Variants in ESPNL observed in about 807,000 individuals in gnomAD.
ESPNL encodes the protein espin like, also known as espin-like protein.
Under a neutral mutation model 46.8 loss-of-function variants are expected in ESPNL, and 49 were observed. The ratio of observed to expected loss-of-function variants is 1.05; its 90% confidence interval spans 0.83 to 1.33. The LOEUF is 1.33. Ranked by LOEUF, ESPNL falls within the 40% of genes most tolerant of loss-of-function variation. The pLI is 0.00. For synonymous variants in ESPNL, 664 were observed against 662.1 expected, an observed-to-expected ratio of 1.00 and a Z score of -0.04; for missense variants, 1,540 against 1,436.6, an observed-to-expected ratio of 1.07 and a Z score of -1.16.
At chr2:238,120,547 T>C (rs1320125921) in intron 5 of ESPNL, among the ~76,000 whole-genome samples, 2 of 152,256 alleles carry the variant, frequency 1.3e-5, no homozygotes, top group East Asian at 3.8e-4. Context: ...CGCCACGTCC[T>C]TCCCATCCAG....
intron 3 of ESPNL, among the ~76,000 whole-genome samples, chr2:238,107,220 G>T (rs1691615739): frequency 6.6e-6 from 1 of 152,218 alleles, no homozygotes; most frequent in African/African-American, 2.4e-5. Flanking sequence ...GTGGACCACA[G>T]CAGGGGCCCT....
In ESPNL at chr2:238,130,320, G is replaced by A. The variant is rs1442183942; in HGVS notation, c.1606G>A (p.Glu536Lys). Residue 536 changes from glutamate to lysine, a missense_variant, in exon 9 of 9, where the codon GAG (glutamate) becomes AAG (lysine). Physicochemically the swap from Glu to Lys is moderately conservative, Grantham distance 56. Transcript: ENST00000343063. Reference sequence around the variant, plus strand: ...GAGTGAGCTGGGCCGGTTGGCGGCTGAGCTGCAGGCCCTGCTGCCCGAGCC... The same window carrying A: ...GAGTGAGCTGGGCCGGTTGGCGGCTAAGCTGCAGGCCCTGCTGCCCGAGCC... ...YESELGRLAA[E>K]LQALLPEPLV... is the part of the protein sequence containing the mutation. 6.2e-7 allele frequency: 1 copy of A among 1,607,496 alleles called. No individual in the cohort carries two copies. The highest frequency in any genetic ancestry group is 1.3e-5 in the African/African-American group (1 of 74,968).
chr2:238,123,450 G>A (rs1235650255), intron 5 of ESPNL, among the ~76,000 whole-genome samples: 3 of 152,170 alleles, frequency 2.0e-5, no homozygotes, highest in African/African-American at 4.8e-5. Context: ...CGTACCGTAG[G>A]TGGGGCTGGG....
intron 4 of ESPNL, among the ~76,000 whole-genome samples, chr2:238,113,518 T>A (rs1197139715): frequency 6.6e-6 from 1 of 152,256 alleles, no homozygotes; most frequent in African/African-American, 2.4e-5. Flanking sequence ...TTCTTGTTCA[T>A]GGTATTTTAT....
intron 8 of ESPNL, 110 bp from the exon 9 acceptor site, chr2:238,130,018 C>T: frequency 8.0e-7 from 1 of 1,255,244 alleles, no homozygotes; most frequent in Non-Finnish European, 1.1e-6. Flanking sequence ...TACCTTGGGG[C>T]AGGACCAGAG....
Position 238,104,846 on chromosome 2 carries a change from A to G in ESPNL, c.672+4A>G, listed in dbSNP as rs746043332. The stretch of plus-strand genomic sequence containing the variant: ...CTACTCCCTCGTCGTCTGGCTGGTA[A>G]GTGGGTGCCAGAGGTGGGAAGGGGA... On this transcript the variant is annotated splice_donor_region_variant and intron_variant, in intron 3 of 8. Coordinates refer to ENST00000343063, the MANE Select transcript of ESPNL (RefSeq NM_194312.4). 1 of 1,487,122 alleles carries G rather than the reference A, an allele frequency of 6.7e-7. No homozygotes were observed. Among genetic ancestry groups the G allele is most frequent in the South Asian group, 1.3e-5 (1 of 77,938 alleles). 92.1% of individuals were successfully genotyped at this position (1,487,122 alleles called of 1,614,324 possible).
At chr2:238,104,340 C>T (rs937242724) in intron 2 of ESPNL, among the ~76,000 whole-genome samples, 6 of 152,314 alleles carry the variant, frequency 3.9e-5, no homozygotes, top group South Asian at 2.1e-4. Flanking sequence ...CTAAGGGAGT[C>T]GGGGGTCAAT....
chr2:238,129,344 C>T, intron 8 of ESPNL: 1 of 775,952 alleles, frequency 1.3e-6, no homozygotes, highest in Non-Finnish European at 1.6e-6. Flanking sequence ...TGGCCTTGAG[C>T]AGGGGCCAGA....
intron 5 of ESPNL, among the ~76,000 whole-genome samples, chr2:238,123,889 G>C (rs1405340532): frequency 2.0e-5 from 3 of 152,172 alleles, no homozygotes; most frequent in Non-Finnish European, 4.4e-5. Context: ...GTGGGGTGAG[G>C]GTCCTGGAGG....
chr2:238,129,232 G>C, intron 8 of ESPNL: 1 of 1,247,714 alleles, frequency 8.0e-7, no homozygotes, highest in South Asian at 2.4e-5. Context: ...CCATGGGCAG[G>C]TGCCGGCAGG....
chr2:238,118,080 G>GA (rs1445664234), intron 5 of ESPNL, among the ~76,000 whole-genome samples: 1 of 146,280 alleles, frequency 6.8e-6, no homozygotes, highest in Non-Finnish European at 1.5e-5. Flanking sequence ...GATGGAAGAG[G>GA]ATGGATGAAG....
intron 3 of ESPNL, 146 bp from the exon 4 acceptor site, chr2:238,107,645 C>A: frequency 1.2e-6 from 1 of 821,872 alleles, no homozygotes; most frequent in Non-Finnish European, 1.9e-6. Context: ...CGTGCTCAGC[C>A]AGCCCTGTCC....
At chr2:238,102,720 C>T (rs951886184) in intron 2 of ESPNL, among the ~76,000 whole-genome samples, 1 of 152,206 alleles carries the variant, frequency 6.6e-6, no homozygotes, top group African/African-American at 2.4e-5. Flanking sequence ...CCTCCCTCCC[C>T]ACCTGGAAGC....
At chr2:238,123,508 T>C (rs116730464) in intron 5 of ESPNL, among the ~76,000 whole-genome samples, 44 of 152,086 alleles carry the variant, frequency 2.9e-4, no homozygotes, top group African/African-American at 1.1e-3. Flanking sequence ...GGATCTCAGG[T>C]CCCCTTCCAT....
At position 238,130,453 on chromosome 2, in the gene ESPNL, C is replaced by G; in HGVS notation, c.1739C>G (p.Ser580Ter). The G allele has an allele frequency of 1.2e-6, 2 of 1,603,138 alleles. No homozygotes were observed. The highest frequency in any genetic ancestry group is 1.7e-6 in the Non-Finnish European group (2 of 1,175,378). The change falls in exon 9 of 9, where the codon TCA (serine) becomes TGA (stop). Residue 580 changes from serine to a stop codon, truncating the protein, a stop_gained. Coordinates refer to ENST00000343063, the MANE Select transcript of ESPNL (RefSeq NM_194312.4). LOFTEE classifies it low-confidence loss of function (END_TRUNC). Reference sequence around the variant, plus strand: ...GAGCCCGCAGGGTCTGCGGAGGCCTCAGAGGTGGCCCCCGGGGTGCAGCCC... The same window carrying G: ...GAGCCCGCAGGGTCTGCGGAGGCCTGAGAGGTGGCCCCCGGGGTGCAGCCC... ...AAEPAGSAEA[S>*]EVAPGVQPLP... is the part of the protein sequence containing the mutation.
At chr2:238,118,752 T>G (rs1574737023) in intron 5 of ESPNL, among the ~76,000 whole-genome samples, 2 of 73,862 alleles carry the variant, frequency 2.7e-5, no homozygotes, top group African/African-American at 6.5e-5. Context: ...TGCAGGAGGA[T>G]GGATGGAGGA....
intron 3 of ESPNL, among the ~76,000 whole-genome samples, chr2:238,106,214 T>A (rs1691595493): frequency 6.6e-6 from 1 of 152,188 alleles, no homozygotes; most frequent in South Asian, 2.1e-4. Context: ...GCAGTCAGGC[T>A]CGGGAGATGT....
chr2:238,131,572 ACGCCG>A lies in ESPNL; in HGVS notation c.2860_2864del (p.Ala954ArgfsTer7). On this transcript the variant is annotated frameshift_variant, in exon 9 of 9. Transcript: ENST00000343063. LOFTEE classifies it high-confidence loss of function. ...CTGACCCTGCTCGGGCCCCTGCCTC[ACGCCG>A]CCGTCCCCTGCAGCGGCCCTGAGCC... is the stretch of plus-strand genomic sequence containing the variant. The A allele has an allele frequency of 6.2e-7, 1 of 1,611,070 alleles. No homozygotes were observed. Among genetic ancestry groups the A allele is most frequent in the Non-Finnish European group, 8.5e-7 (1 of 1,179,008 alleles).
chr2:238,127,649 G>C lies in ESPNL; in HGVS notation c.1130G>C (p.Gly377Ala). 6.2e-7 allele frequency: 1 copy of C among 1,610,818 alleles called. No homozygotes were observed. The highest frequency in any genetic ancestry group is 8.5e-7 in the Non-Finnish European group (1 of 1,178,902). ...ATGTCCCTCAGCCCGGCCTGGCCTG[G>C]CCATCCTGACCAGCCTCTTCCCAGG... ...SPMSLSPAWP[G>A]HPDQPLPREQ... Residue 377 changes from glycine to alanine, a missense_variant, in exon 7 of 9, where the codon GGC (glycine) becomes GCC (alanine). Coordinates refer to ENST00000343063, the MANE Select transcript of ESPNL (RefSeq NM_194312.4).
Sources: allele counts gnomAD v4.1 joint callset (sites outside exome capture counted in the v4.1 genomes callset), GRCh38; gene constraint gnomAD v4.1.1; transcripts MANE v1.5; gene names NCBI Gene and HGNC (gene_info 2026-07-23, HGNC 2026-07-21).